MTSS1: variants seen among roughly 807,000 people sequenced by gnomAD.
MTSS1 encodes MTSS I-BAR domain containing 1, also known as protein MTSS 1.
Under a neutral mutation model 79.0 loss-of-function variants are expected in MTSS1, and 18 were observed. The ratio of observed to expected loss-of-function variants is 0.23; its 90% CI spans 0.16 to 0.34. The LOEUF (loss-of-function observed/expected upper bound fraction) is 0.34. Among genes scored for constraint, MTSS1 ranks in the 10% least tolerant of loss-of-function variants. The pLI, the probability that MTSS1 is intolerant of heterozygous loss-of-function variation, is 1.00. For synonymous variants in MTSS1, 341 were observed against 368.6 expected (o/e 0.93, Z 0.86); for missense variants, 815 against 986.2 (o/e 0.83, Z 2.33).
intron 6 of MTSS1, among the ~76,000 whole-genome samples, chr8:124,570,775 T>C (rs1368133134): frequency 6.6e-6 from 1 of 152,146 alleles, no homozygotes; most frequent in Non-Finnish European, 1.5e-5. Context: ...TGATCATAGC[T>C]CATTGCAGCC....
At chr8:124,577,101 T>G (rs1361465793) in intron 6 of MTSS1, among the ~76,000 whole-genome samples, 2 of 152,176 alleles carry the variant, frequency 1.3e-5, no homozygotes, top group Non-Finnish European at 2.9e-5. Flanking sequence ...GAGACAAGCT[T>G]TGCAAAGGAA....
At chr8:124,568,259 T>TAC in intron 7 of MTSS1, 120 bp downstream of exon 7, 1 of 1,200,558 alleles carries the variant, frequency 8.3e-7, no homozygotes, top group Non-Finnish European at 1.2e-6. Context: ...GTACAGGAGA[T>TAC]ACCACCATCA....
Position 124,644,832 on chromosome 8 carries a change from T to TAA in MTSS1, c.209-53599_209-53598dup, listed in dbSNP as rs764369752. On this transcript the variant is annotated intron_variant, in intron 3 of 13. Transcript: ENST00000518547. ...TAAGTCATCCGATTATGATTCAGTA[T>TAA]AAGAGGGCTTAAAACATTTTATGGA... is the stretch of plus-strand genomic sequence containing the variant. Among the ~76,000 whole-genome samples, 1,099 of 138,360 alleles carry TAA rather than the reference T, an allele frequency of 7.9e-3. 7 individuals are homozygous for TAA. The highest frequency in any genetic ancestry group is 0.011 in the Non-Finnish European group (707 of 65,528). The allele number at this position is 138,360 out of a possible 152,430, so 90.8% of individuals were successfully genotyped here. A position where few individuals can be genotyped will look rare whatever the true frequency, so the allele number is the denominator to read the frequency against.
At chr8:124,575,565 G>T (rs919363787) in intron 6 of MTSS1, among the ~76,000 whole-genome samples, 36 of 96,978 alleles carry the variant, frequency 3.7e-4, no homozygotes, top group African/African-American at 8.9e-4. Flanking sequence ...ATGCAGGGTA[G>T]GGTGGGTTTT....
At chr8:124,657,612 T>C (rs1368445613) in intron 3 of MTSS1, among the ~76,000 whole-genome samples, 10 of 152,142 alleles carry the variant, frequency 6.6e-5, no homozygotes, top group Non-Finnish European at 2.9e-5. Context: ...CAGAGACGGT[T>C]CTGGGGTCAG....
intron 10 of MTSS1, among the ~76,000 whole-genome samples, chr8:124,561,623 G>A (rs114762745): frequency 3.3e-5 from 5 of 152,200 alleles, no homozygotes; most frequent in African/African-American, 7.2e-5. Context: ...AGAAAGGGGC[G>A]TCAGTGCACA....
At chr8:124,661,909 A>C (rs1013250819) in intron 3 of MTSS1, among the ~76,000 whole-genome samples, 2 of 152,264 alleles carry the variant, frequency 1.3e-5, no homozygotes, top group South Asian at 4.2e-4. Flanking sequence ...GCCATGCTCC[A>C]TTCATCTTCA....
At position 124,567,545 on chromosome 8, in the gene MTSS1, A is replaced by G. The variant is rs1050970828; in HGVS notation, c.619-367T>C. 3.9e-6 allele frequency: 5 copies of G among 1,271,486 alleles called. No homozygotes were observed. The African/African-American group carries it at 6.0e-5, about 15-fold the overall frequency. The allele number at this position is 1,271,486 out of a possible 1,614,324, so 78.8% of individuals were successfully genotyped here. On this transcript the variant is annotated intron_variant, in intron 7 of 13. Transcript: ENST00000518547. ...CCTTTTCTGAAGTTGCTTAGCTTCA[A>G]TGGATGACACGACTTGGATATATTT...
chr8:124,705,317 A>T (rs1286533757), intron 1 of MTSS1, among the ~76,000 whole-genome samples: 1 of 152,042 alleles, frequency 6.6e-6, no homozygotes, highest in Non-Finnish European at 1.5e-5. Context: ...CTAAAAATAC[A>T]AAAATTAGCC....
At chr8:124,692,673 A>G (rs1484506088) in intron 3 of MTSS1, among the ~76,000 whole-genome samples, 1 of 152,142 alleles carries the variant, frequency 6.6e-6, no homozygotes, top group Non-Finnish European at 1.5e-5. Context: ...CCTTTGCACC[A>G]GAGACTTGAC....
intron 3 of MTSS1, among the ~76,000 whole-genome samples, chr8:124,620,021 G>A (rs1197006092): frequency 6.6e-6 from 1 of 151,534 alleles, no homozygotes; most frequent in African/African-American, 2.4e-5. Flanking sequence ...GCGCGATCTT[G>A]GCTCACTGCA....
chr8:124,607,339 T>G (rs2133181416), intron 3 of MTSS1, among the ~76,000 whole-genome samples: 1 of 152,306 alleles, frequency 6.6e-6, no homozygotes, highest in Middle Eastern at 3.4e-3. Context: ...CCGGCCAAAC[T>G]CATCTGGGGT....
Position 124,618,427 on chromosome 8 carries a change from G to T in MTSS1, c.209-27192C>A, listed in dbSNP as rs188333831. The stretch of plus-strand genomic sequence containing the variant: ...CATCGTTCCACATGATCACAAGACA[G>T]ATTCCCAAAGATGACTTCAACAGGG... On this transcript the variant is annotated intron_variant, in intron 3 of 13. Coordinates refer to ENST00000518547, the MANE Select transcript of MTSS1 (RefSeq NM_014751.6). Among the ~76,000 whole-genome samples, 5 of 152,362 alleles carry T rather than the reference G, an allele frequency of 3.3e-5. No individual in the cohort carries two copies. In the East Asian group the frequency reaches 9.6e-4, roughly 29 times the overall value.
chr8:124,727,977 A>G lies in MTSS1; in HGVS notation c.-22T>C, dbSNP rs1232775663. The G allele has an allele frequency of 6.2e-7, 1 of 1,605,732 alleles. No homozygotes were observed. On this transcript the variant is annotated 5_prime_UTR_variant, in exon 1 of 14. Coordinates refer to ENST00000518547, the MANE Select transcript of MTSS1 (RefSeq NM_014751.6). This position sits in a 1 kb window ranked among gnomAD's most constrained non-coding sequence, Gnocchi z 4.7. ...CCATTTTCCCGGCTCCGGCAGGGCG[A>G]GGGCACACACGCGGGGCCGCTGGAC...
chr8:124,617,364 C>T (rs761952985), intron 3 of MTSS1, among the ~76,000 whole-genome samples: 5 of 152,172 alleles, frequency 3.3e-5, no homozygotes, highest in Admixed American at 1.3e-4. Flanking sequence ...CGCGAGCAGA[C>T]GTGGTGGCCC....
intron 3 of MTSS1, among the ~76,000 whole-genome samples, chr8:124,604,310 G>A (rs184568763): frequency 6.6e-6 from 1 of 152,266 alleles, no homozygotes; most frequent in African/African-American, 2.4e-5. Context: ...ATCCTGGGGC[G>A]CATGGGGCCA....
chr8:124,595,440 T>C (rs1376813102), intron 3 of MTSS1, among the ~76,000 whole-genome samples: 6 of 152,180 alleles, frequency 3.9e-5, no homozygotes, highest in Non-Finnish European at 8.8e-5. Context: ...TTCCTTGCCT[T>C]TTCCCACTTC....
At chr8:124,593,800 C>T (rs1832276108) in intron 3 of MTSS1, among the ~76,000 whole-genome samples, 1 of 152,214 alleles carries the variant, frequency 6.6e-6, no homozygotes, top group African/African-American at 2.4e-5. Flanking sequence ...TAGGCTTAAG[C>T]TCCAGCGTCA....
At chr8:124,659,947 T>C (rs1245495154) in intron 3 of MTSS1, among the ~76,000 whole-genome samples, 1 of 152,214 alleles carries the variant, frequency 6.6e-6, no homozygotes, top group East Asian at 1.9e-4. Context: ...CTCTCTCTCT[T>C]ACTCCTAAAA....
Sources: allele counts gnomAD v4.1 joint callset (sites outside exome capture counted in the v4.1 genomes callset), GRCh38; gene constraint gnomAD v4.1.1; non-coding constraint Gnocchi (gnomAD v3.1); transcripts MANE v1.5; gene names NCBI Gene and HGNC (gene_info 2026-07-23, HGNC 2026-07-21).